SMAP1: variants seen among roughly 807,000 people sequenced by gnomAD.
SMAP1 encodes the protein stromal membrane-associated protein 1.
SMAP1 carries 24 observed loss-of-function variants against 58.5 expected under a neutral mutation model. That is an observed-to-expected ratio of 0.41 (90% CI 0.30 to 0.58). SMAP1 has a LOEUF of 0.58. Among genes scored for constraint, SMAP1 ranks in the 20% least tolerant of loss-of-function variants. SMAP1 has a pLI of 0.29. For synonymous variants in SMAP1, 216 were observed against 196.6 expected, an observed-to-expected ratio of 1.10 and a Z score of -0.82; for missense variants, 563 against 566.3, an observed-to-expected ratio of 0.99 and a Z score of 0.06.
chr6:70,771,557 G>C (rs190705163), intron 3 of SMAP1, among the ~76,000 whole-genome samples: 3 of 152,324 alleles, frequency 2.0e-5, no homozygotes, highest in South Asian at 2.1e-4. Context: ...CTCCGAGCCA[G>C]GTGTGGGATA....
chr6:70,753,431 C>A (rs1439182283), intron 2 of SMAP1, among the ~76,000 whole-genome samples: 3 of 152,144 alleles, frequency 2.0e-5, no homozygotes, highest in Non-Finnish European at 4.4e-5. Context: ...CTAGTTCTTT[C>A]CAAATGTTTA....
intron 3 of SMAP1, among the ~76,000 whole-genome samples, chr6:70,761,835 AT>A (rs1201223755): frequency 1.3e-5 from 2 of 152,152 alleles, no homozygotes; most frequent in African/African-American, 4.8e-5. Context: ...GTATATAAAA[AT>A]AAAACTAAAT....
At chr6:70,837,665 TC>T (rs1299304492) in intron 7 of SMAP1, 15 of 409,274 alleles carry the variant, frequency 3.7e-5, no homozygotes, top group Admixed American at 7.4e-5. Flanking sequence ...CTTCTCTCTC[TC>T]TCTTTTTTTT....
intron 1 of SMAP1, among the ~76,000 whole-genome samples, chr6:70,697,480 G>T (rs1264536551): frequency 1.3e-5 from 2 of 151,898 alleles, no homozygotes; most frequent in Admixed American, 6.6e-5. Context: ...TAATTTTTTT[G>T]TATTTTTAGT....
At chr6:70,770,045 G>T (rs550944791) in intron 3 of SMAP1, among the ~76,000 whole-genome samples, 1 of 151,546 alleles carries the variant, frequency 6.6e-6, no homozygotes, top group East Asian at 1.9e-4. Flanking sequence ...ATTCTGGCTT[G>T]AAAATTCTTT....
intron 2 of SMAP1, among the ~76,000 whole-genome samples, chr6:70,752,640 C>T (rs1297784458): frequency 1.3e-5 from 2 of 152,014 alleles, no homozygotes; most frequent in African/African-American, 2.4e-5. Context: ...TATTCTTTAT[C>T]GCCTCCCCAA....
intron 6 of SMAP1, among the ~76,000 whole-genome samples, chr6:70,805,770 A>G (rs1414489374): frequency 6.6e-6 from 1 of 152,108 alleles, no homozygotes; most frequent in African/African-American, 2.4e-5. Context: ...CCTCTGCTGC[A>G]GGTCTGTTGG....
chr6:70,859,909 G>A (rs555614672), intron 10 of SMAP1: 38 of 262,124 alleles, frequency 1.4e-4, no homozygotes, highest in African/African-American at 7.8e-4. Context: ...ATATCCTAGT[G>A]TAGGTGAAAG....
At chr6:70,748,628 C>T (rs1053329551) in intron 2 of SMAP1, among the ~76,000 whole-genome samples, 1 of 152,016 alleles carries the variant, frequency 6.6e-6, no homozygotes, top group East Asian at 1.9e-4. Context: ...TCAAGTGCTG[C>T]TTGGATACCC....
chr6:70,682,074 G>A (rs933511767), intron 1 of SMAP1, among the ~76,000 whole-genome samples: 5 of 151,846 alleles, frequency 3.3e-5, no homozygotes, highest in African/African-American at 9.7e-5. Flanking sequence ...AGTAAGATGG[G>A]TCTGAAATGT....
intron 6 of SMAP1, among the ~76,000 whole-genome samples, chr6:70,810,219 C>T (rs554812052): frequency 2.2e-4 from 33 of 152,204 alleles, no homozygotes; most frequent in Admixed American, 1.7e-3. Context: ...CTCAGGCATG[C>T]GTAGAACTCC....
intron 4 of SMAP1, among the ~76,000 whole-genome samples, chr6:70,786,751 T>C (rs543797292): frequency 5.1e-4 from 77 of 152,288 alleles, no homozygotes; most frequent in African/African-American, 1.6e-3. Context: ...TTACAAAGGA[T>C]GTGAAGGATC....
At chr6:70,809,801 C>T (rs9342796) in intron 6 of SMAP1, among the ~76,000 whole-genome samples, 20,738 of 152,124 alleles carry the variant, frequency 0.14, 2,627 homozygotes, top group East Asian at 0.48. Context: ...TTCCTCAAAT[C>T]TTTACATTTC....
intron 1 of SMAP1, among the ~76,000 whole-genome samples, chr6:70,702,358 T>C (rs1027888053): frequency 4.0e-5 from 6 of 151,382 alleles, no homozygotes; most frequent in Non-Finnish European, 8.8e-5. Context: ...TTGCTGAAAC[T>C]GCTGCAGAGC....
At chr6:70,792,288 A>G (rs1240710716) in intron 5 of SMAP1, among the ~76,000 whole-genome samples, 3 of 151,650 alleles carry the variant, frequency 2.0e-5, no homozygotes, top group Admixed American at 1.3e-4. Flanking sequence ...CATCTGTACA[A>G]ATATTTGAGA....
chr6:70,859,491 CTG>C (rs1771605030), intron 10 of SMAP1: 1 of 966,640 alleles, frequency 1.0e-6, no homozygotes, highest in Non-Finnish European at 1.5e-6. Context: ...GTCTTTGAAA[CTG>C]TAAATAAGTC....
At chr6:70,771,483 C>A (rs541013890) in intron 3 of SMAP1, among the ~76,000 whole-genome samples, 2 of 152,198 alleles carry the variant, frequency 1.3e-5, no homozygotes, top group Non-Finnish European at 2.9e-5. Context: ...GCCTCCCTGC[C>A]GCCTTGCAGT....
chr6:70,707,694 C>T (rs930975723), intron 1 of SMAP1, among the ~76,000 whole-genome samples: 1 of 152,156 alleles, frequency 6.6e-6, no homozygotes, highest in Non-Finnish European at 1.5e-5. Context: ...CAACCTCCAC[C>T]TCCTGTGTTC....
chr6:70,686,429 T>C (rs1766937121), intron 1 of SMAP1, among the ~76,000 whole-genome samples: 1 of 152,212 alleles, frequency 6.6e-6, no homozygotes. Context: ...TTAATATGGG[T>C]GTAAATGGCC....
Sources: allele counts gnomAD v4.1 joint callset (sites outside exome capture counted in the v4.1 genomes callset), GRCh38; gene constraint gnomAD v4.1.1; transcripts MANE v1.5; gene names NCBI Gene and HGNC (gene_info 2026-07-23, HGNC 2026-07-21).